Variants in OR7A5 observed in about 807,000 individuals in gnomAD.
OR7A5 encodes the protein olfactory receptor family 7 subfamily A member 5.
For missense variants in OR7A5, 319 were observed against 377.9 expected, an observed-to-expected ratio of 0.84 and a Z score of 1.29; for synonymous variants, 140 against 146.7, an observed-to-expected ratio of 0.95 and a Z score of 0.33.
In OR7A5 at chr19:14,827,792, G is replaced by C; in HGVS notation, c.450C>G (p.Thr150=). The part of the protein sequence containing the change: ...LCGLLVLASW[T]MSALYSLLQI... ...GTAGCAAGGAATACAGAGCACTCAT[G>C]GTCCAGGATGCTAGAACCAGCAGTC... The change falls in exon 2 of 2, where the codon ACC becomes ACG. Residue 150 remains threonine (T), a synonymous_variant. Coordinates refer to ENST00000322301, the MANE Select transcript of OR7A5 (RefSeq NM_017506.2). The C allele has an allele frequency of 6.2e-7, 1 of 1,614,182 alleles. No individual in the cohort carries two copies. The highest frequency in any genetic ancestry group is 8.5e-7 in the Non-Finnish European group (1 of 1,180,036).
chr19:14,834,937 C>T (rs2044870485), intron 1 of OR7A5, 137 bp downstream of exon 1: 1 of 152,192 alleles, frequency 6.6e-6, no homozygotes. Flanking sequence ...GTTAATTAAT[C>T]AACCAAGCAA....
rs1016206824 is a variant in OR7A5, at chr19:14,827,892, A to G, written c.350T>C (p.Val117Ala). 28 of 1,614,122 alleles carry G rather than the reference A, an allele frequency of 1.7e-5. No homozygotes were observed. The highest frequency in any genetic ancestry group is 2.3e-5 in the Non-Finnish European group (27 of 1,180,042). ...GGCCACAAACCGGTCATAGGCCATC[A>G]CGGACAGGAGGAAGTTTTCAAATCC... Reference protein sequence around the residue: ...FAGFENFLLSVMAYDRFVAIC... With the variant: ...FAGFENFLLSAMAYDRFVAIC... Residue 117 changes from valine to alanine, a missense_variant, in exon 2 of 2, where the codon GTG (valine) becomes GCG (alanine). Transcript: ENST00000322301.
chr19:14,828,758 C>CAAAAAAAAAAAAAAAAA (rs58983718), intron 1 of OR7A5, among the ~76,000 whole-genome samples: 1 of 35,154 alleles, frequency 2.8e-5, no homozygotes, highest in African/African-American at 1.1e-4. Flanking sequence ...GACTCCATCT[C>CAAAAAAAAAAAAAAAAA]AAAAAAAAAA....
rs1481445102 is a variant in OR7A5, at chr19:14,827,778, T to G, written c.464A>C (p.Tyr155Ser). Residue 155 changes from tyrosine (Y) to serine (S), a missense_variant, in exon 2 of 2, where the codon TAT becomes TCT. By Grantham distance (144) the Tyr-to-Ser change is moderately radical. Transcript: ENST00000322301. ...TACCATTAAGATTTGTAGCAAGGAA[T>G]ACAGAGCACTCATGGTCCAGGATGC... ...VLASWTMSALYSLLQILMVVR... is the reference protein window; with the variant it reads ...VLASWTMSALSSLLQILMVVR... 1.2e-6 allele frequency: 2 copies of G among 1,614,118 alleles called. No individual in the cohort carries two copies. Among genetic ancestry groups the G allele is most frequent in the Admixed American group, 3.3e-5 (2 of 60,020 alleles).
chr19:14,833,683 T>C (rs1462697204), intron 1 of OR7A5, among the ~76,000 whole-genome samples: 1 of 152,172 alleles, frequency 6.6e-6, no homozygotes, highest in Non-Finnish European at 1.5e-5. Flanking sequence ...AAAATAATTT[T>C]AAACGCTGGT....
intron 1 of OR7A5, among the ~76,000 whole-genome samples, chr19:14,834,029 G>A (rs1486228734): frequency 8.0e-6 from 1 of 124,582 alleles, no homozygotes; most frequent in Non-Finnish European, 1.8e-5. Context: ...GGAGGCTGAG[G>A]CAAGTAAATT....
In OR7A5 at chr19:14,827,080, A is replaced by G; in HGVS notation, c.*202T>C. 2 of 446,874 alleles carry G rather than the reference A, an allele frequency of 4.5e-6. No homozygotes were observed. Among genetic ancestry groups the G allele is most frequent in the Admixed American group, 8.0e-5 (2 of 25,088 alleles). The allele number at this position is 446,874 out of a possible 1,614,324, so 27.7% of individuals were successfully genotyped here. A position where few individuals can be genotyped will look rare whatever the true frequency, so the allele number is the denominator to read the frequency against. On this transcript the variant is annotated 3_prime_UTR_variant, in exon 2 of 2. Coordinates refer to ENST00000322301, the MANE Select transcript of OR7A5 (RefSeq NM_017506.2). ...GAAATAACCTTGAGAAAGTAGGAAAACAACAAAGAGAAAAAACTGTTGGAT... is the reference window on the plus strand; with the variant it reads ...GAAATAACCTTGAGAAAGTAGGAAAGCAACAAAGAGAAAAAACTGTTGGAT...
rs146377382 is a variant in OR7A5, at chr19:14,827,462, A to G, written c.780T>C (p.Leu260=). The change falls in exon 2 of 2, where the codon CTT becomes CTC. Residue 260 remains leucine (L), a synonymous_variant. Transcript: ENST00000322301. ...LFYGAILGVY[L]SSAATRNSHS... is the part of the protein sequence containing the mutation. ...GTGAGTTGCGGGTGGCAGCAGAACT[A>G]AGGTACACCCCTAGGATTGCACCAT... 2.3e-4 allele frequency: 372 copies of G among 1,614,126 alleles called. 2 individuals are homozygous for G. The African/African-American group carries it at 4.5e-3, about 20-fold the overall frequency.
chr19:14,830,964 C>A (rs1367539369), intron 1 of OR7A5, among the ~76,000 whole-genome samples: 2 of 152,200 alleles, frequency 1.3e-5, no homozygotes, highest in East Asian at 1.9e-4. Flanking sequence ...CTCTTCAGCT[C>A]GCAGCACAAG....
At chr19:14,834,258 C>T (rs1270686889) in intron 1 of OR7A5, among the ~76,000 whole-genome samples, 6 of 151,988 alleles carry the variant, frequency 3.9e-5, no homozygotes, top group African/African-American at 1.5e-4. Context: ...GAGGCTTGCA[C>T]GACAGAGTGA....
chr19:14,830,381 A>G (rs1329683112), intron 1 of OR7A5, among the ~76,000 whole-genome samples: 1 of 152,208 alleles, frequency 6.6e-6, no homozygotes, highest in Non-Finnish European at 1.5e-5. Context: ...TAATAAACTC[A>G]GGTAATCCCT....
At chr19:14,828,281 G>C in intron 1 of OR7A5, 27 bp from the exon 2 acceptor site, 1 of 1,566,264 alleles carries the variant, frequency 6.4e-7, no homozygotes, top group East Asian at 2.3e-5. Flanking sequence ...GAGAAAGAGG[G>C]AAACGAGACA....
In OR7A5 at chr19:14,828,021, G is replaced by A. The variant is rs754396526; in HGVS notation, c.221C>T (p.Thr74Ile). ...CAGCATTTTTGGAATGGTGGTGGAAGTAACACAAATGTCAGCAAAGGACAG... is the reference window on the plus strand; with the variant it reads ...CAGCATTTTTGGAATGGTGGTGGAAATAACACAAATGTCAGCAAAGGACAG... ...SNLSFADICV[T>I]STTIPKMLMN... is the part of the protein sequence containing the mutation. The change falls in exon 2 of 2, where the codon ACT (threonine) becomes ATT (isoleucine). Residue 74 changes from threonine (T) to isoleucine (I), a missense_variant. Thr to Ile is a moderately conservative substitution (Grantham distance 89, BLOSUM62 -1). Coordinates refer to ENST00000322301, the MANE Select transcript of OR7A5 (RefSeq NM_017506.2). 1.2e-6 allele frequency: 2 copies of A among 1,614,236 alleles called. No individual in the cohort carries two copies. Among genetic ancestry groups the A allele is most frequent in the East Asian group, 2.2e-5 (1 of 44,888 alleles).
rs578007113 is a variant in OR7A5, at chr19:14,827,401, C to T, written c.841G>A (p.Val281Ile). 18 of 1,614,024 alleles carry T rather than the reference C, an allele frequency of 1.1e-5. No homozygotes were observed. The South Asian group carries it at 1.9e-4, about 17-fold the overall frequency. Reference protein sequence around the residue: ...SATASVMYTVVTPMLNPFIYS... With the variant: ...SATASVMYTVITPMLNPFIYS... ...ATAAAGGGGTTCAGCATGGGGGTGA[C>T]CACAGTGTACATCACTGAGGCTGTT... The change falls in exon 2 of 2, where the codon GTC becomes ATC. Residue 281 changes from valine (V) to isoleucine (I), a missense_variant. By Grantham distance (29) the Val-to-Ile change is conservative. Transcript: ENST00000322301.
intron 1 of OR7A5, among the ~76,000 whole-genome samples, chr19:14,828,652 G>A (rs577138114): frequency 6.6e-6 from 1 of 150,960 alleles, no homozygotes; most frequent in East Asian, 2.0e-4. Flanking sequence ...CCAGCTACTT[G>A]GGAGGCTGAG....
Position 14,829,265 on chromosome 19 carries a change from G to A in OR7A5, c.-13-1011C>T, listed in dbSNP as rs192685447. Among the ~76,000 whole-genome samples the A allele has an allele frequency of 1.2e-4, 18 of 152,288 alleles. No homozygotes were observed. The South Asian group carries it at 3.5e-3, about 30-fold the overall frequency. On this transcript the variant is annotated intron_variant, in intron 1 of 1. Coordinates refer to ENST00000322301, the MANE Select transcript of OR7A5 (RefSeq NM_017506.2). ...TGTTGCCGGGCTGGAGCGCAGTGGC[G>A]CAATCTCAGATCACTGCAACCTCCA...
intron 1 of OR7A5, among the ~76,000 whole-genome samples, chr19:14,830,954 C>G (rs2044826048): frequency 6.6e-6 from 1 of 152,316 alleles, no homozygotes; most frequent in African/African-American, 2.4e-5. Context: ...GCACAAAGCC[C>G]TCTTCAGCTC....
At chr19:14,828,291 A>T (rs747111149) in intron 1 of OR7A5, 37 bp from the exon 2 acceptor site, 4 of 1,547,020 alleles carry the variant, frequency 2.6e-6, no homozygotes. Flanking sequence ...GAAACGAGAC[A>T]GGCATGCATT....
At position 14,827,886 on chromosome 19, in the gene OR7A5, G is replaced by A; in HGVS notation, c.356C>T (p.Ala119Val). 6.2e-7 allele frequency: 1 copy of A among 1,614,164 alleles called. No homozygotes were observed. The highest frequency in any genetic ancestry group is 8.5e-7 in the Non-Finnish European group (1 of 1,180,030). Residue 119 changes from alanine (A) to valine (V), a missense_variant, in exon 2 of 2, where the codon GCC (alanine) becomes GTC (valine). Transcript: ENST00000322301. Reference sequence around the variant, plus strand: ...ACAGATGGCCACAAACCGGTCATAGGCCATCACGGACAGGAGGAAGTTTTC... The same window carrying A: ...ACAGATGGCCACAAACCGGTCATAGACCATCACGGACAGGAGGAAGTTTTC... ...GFENFLLSVM[A>V]YDRFVAICHP...
Sources: gnomAD v4.1 joint callset for allele counts (sites outside exome capture counted in the v4.1 genomes callset) on GRCh38, gnomAD v4.1.1 for gene constraint, MANE v1.5 for transcripts, NCBI Gene and HGNC (gene_info 2026-07-23, HGNC 2026-07-21) for gene names.